MOB1A: variants seen among roughly 807,000 people sequenced by gnomAD.
MOB1A encodes MOB kinase activator 1A.
A neutral mutation model predicts 25.1 loss-of-function variants in MOB1A; 10 were observed. The observed-to-expected ratio is 0.40, with a 90% CI of 0.25 to 0.68. The LOEUF (loss-of-function observed/expected upper bound fraction) is 0.68. Ranked by LOEUF, MOB1A falls within the 30% of genes least tolerant of loss-of-function variation. The probability of loss-of-function intolerance (pLI) is 0.40; values close to 1 mark genes in which losing one functional copy is unlikely to be tolerated. For synonymous variants in MOB1A, 81 were observed against 79.5 expected (o/e 1.02, Z -0.10); for missense variants, 177 against 256.3 (o/e 0.69, Z 2.11).
rs760953308 is a variant in MOB1A, at chr2:74,172,726, T to C, written c.41A>G (p.Lys14Arg). The C allele has an allele frequency of 3.1e-6, 5 of 1,613,730 alleles. No individual in the cohort carries two copies. The highest frequency in any genetic ancestry group is 4.2e-6 in the Non-Finnish European group (5 of 1,179,830). Residue 14 changes from lysine (K) to arginine (R), a missense_variant, in exon 2 of 6, where the codon AAA becomes AGA. Transcript: ENST00000396049. ...TCCTTCAGGGATATTCTTCTTTGGT[T>C]TGAATGTTTTAGAAGAGCGGCTGCT... ...LFSSRSSKTF[K>R]PKKNIPEGSH...
At chr2:74,158,228 A>G (rs1019927766) in intron 5 of MOB1A, among the ~76,000 whole-genome samples, 4 of 151,790 alleles carry the variant, frequency 2.6e-5, no homozygotes, top group African/African-American at 9.7e-5. Flanking sequence ...ACTACCTGAA[A>G]ACTACAAACT....
At chr2:74,171,252 C>T (rs1405455931) in intron 2 of MOB1A, among the ~76,000 whole-genome samples, 3 of 151,678 alleles carry the variant, frequency 2.0e-5, no homozygotes, top group Non-Finnish European at 4.4e-5. Context: ...TTCGCCACTG[C>T]ACTCCAGCTT....
At chr2:74,163,155 T>C (rs942792773) in intron 4 of MOB1A, among the ~76,000 whole-genome samples, 2 of 152,182 alleles carry the variant, frequency 1.3e-5, no homozygotes, top group Non-Finnish European at 2.9e-5. Flanking sequence ...TTACTCGGCA[T>C]TGCGCTTGAA....
chr2:74,165,586 A>G (rs550605667), intron 3 of MOB1A, among the ~76,000 whole-genome samples: 1 of 152,346 alleles, frequency 6.6e-6, no homozygotes, highest in South Asian at 2.1e-4. Flanking sequence ...GCCAGGATAG[A>G]TGTTTTATTA....
At chr2:74,173,300 T>C (rs1034010498) in intron 1 of MOB1A, 4 of 467,992 alleles carry the variant, frequency 8.5e-6, no homozygotes, top group African/African-American at 4.0e-5. Context: ...CAGAGAAACA[T>C]CCTGGATTTT....
chr2:74,171,436 A>G (rs1460261636), intron 2 of MOB1A, among the ~76,000 whole-genome samples: 2 of 152,238 alleles, frequency 1.3e-5, no homozygotes, highest in African/African-American at 4.8e-5. Context: ...GACATACCTT[A>G]CTGAAATATT....
intron 1 of MOB1A, among the ~76,000 whole-genome samples, chr2:74,175,821 T>C (rs1450448200): frequency 1.3e-5 from 2 of 152,180 alleles, no homozygotes; most frequent in Non-Finnish European, 2.9e-5. Context: ...GGAGCCCATT[T>C]TGTAAATACA....
At position 74,155,188 on chromosome 2, in the gene MOB1A, C is replaced by T. The variant is rs1692769182; in HGVS notation, c.*1380G>A. ...TCTTCCAGTATAATACTTGTTGTGCCTCAGTACATTTTAAATAGACAGCTA... is the reference window on the plus strand; with the variant it reads ...TCTTCCAGTATAATACTTGTTGTGCTTCAGTACATTTTAAATAGACAGCTA... On this transcript the variant is annotated 3_prime_UTR_variant, in exon 6 of 6. Coordinates refer to ENST00000396049, the MANE Select transcript of MOB1A (RefSeq NM_018221.5). 6.6e-6 allele frequency: 1 copy of T among 152,458 alleles called. No homozygotes were observed. Among genetic ancestry groups the T allele is most frequent in the Non-Finnish European group, 1.5e-5 (1 of 68,008 alleles). 9.4% of individuals were successfully genotyped at this position (152,458 alleles called of 1,614,324 possible).
intron 2 of MOB1A, among the ~76,000 whole-genome samples, chr2:74,170,433 G>A (rs957382964): frequency 5.3e-5 from 8 of 152,182 alleles, no homozygotes; most frequent in South Asian, 2.1e-4. Flanking sequence ...CACCATGCCC[G>A]GCCCTGAATA....
chr2:74,160,029 C>G (rs899307513), intron 4 of MOB1A, among the ~76,000 whole-genome samples: 1 of 152,168 alleles, frequency 6.6e-6, no homozygotes. Flanking sequence ...GTTGGCCAGC[C>G]TGGTCTCGAA....
chr2:74,162,115 C>A (rs1692989744), intron 4 of MOB1A, among the ~76,000 whole-genome samples: 1 of 151,942 alleles, frequency 6.6e-6, no homozygotes, highest in Non-Finnish European at 1.5e-5. Context: ...AAGTAAGATG[C>A]AGATAATAGC....
chr2:74,172,505 A>G (rs1452459351), intron 2 of MOB1A, 81 bp downstream of exon 2: 26 of 1,331,408 alleles, frequency 2.0e-5, no homozygotes, highest in Non-Finnish European at 2.6e-5. Flanking sequence ...AAACAGTTCT[A>G]ACTGTAAAAG....
chr2:74,170,645 G>A (rs1011994738), intron 2 of MOB1A, among the ~76,000 whole-genome samples: 19 of 147,422 alleles, frequency 1.3e-4, no homozygotes, highest in Non-Finnish European at 2.5e-4. Context: ...TGAGGCAGAA[G>A]AATCACCTGA....
At chr2:74,178,000 C>T (rs570505264) in intron 1 of MOB1A, 1 of 135,282 alleles carries the variant, frequency 7.4e-6, no homozygotes, top group East Asian at 2.2e-4. Context: ...TACTGTGTTT[C>T]TGCAATGGGA....
chr2:74,170,139 T>TG (rs1693245693), intron 2 of MOB1A, among the ~76,000 whole-genome samples: 1 of 151,622 alleles, frequency 6.6e-6, no homozygotes, highest in Non-Finnish European at 1.5e-5. Context: ...TTTGTTTGTT[T>TG]TTGTGTGTGT....
chr2:74,168,754 G>T (rs918666267), intron 2 of MOB1A, among the ~76,000 whole-genome samples: 1 of 152,134 alleles, frequency 6.6e-6, no homozygotes, highest in Non-Finnish European at 1.5e-5. Context: ...CTTGTAAAAG[G>T]AATTTTATAC....
intron 1 of MOB1A, among the ~76,000 whole-genome samples, chr2:74,174,236 AC>A (rs1313018731): frequency 4.1e-5 from 6 of 147,462 alleles, no homozygotes; most frequent in Admixed American, 3.5e-4. Context: ...GCACCACTGC[AC>A]TCCAGCTTGG....
At chr2:74,169,909 A>G (rs55648403) in intron 2 of MOB1A, among the ~76,000 whole-genome samples, 24,623 of 151,804 alleles carry the variant, frequency 0.16, 2,354 homozygotes, top group East Asian at 0.38. Context: ...GATTACAGAC[A>G]TGAGCCACCA....
chr2:74,156,681 T>A, intron 5 of MOB1A, 36 bp from the exon 6 acceptor site: 1 of 1,439,458 alleles, frequency 6.9e-7, no homozygotes, highest in Non-Finnish European at 9.5e-7. Flanking sequence ...TAAAAATGGA[T>A]CTAAAACTGA....
Sources: gnomAD v4.1 joint callset for allele counts (sites outside exome capture counted in the v4.1 genomes callset) on GRCh38, gnomAD v4.1.1 for gene constraint, MANE v1.5 for transcripts, NCBI Gene and HGNC (gene_info 2026-07-23, HGNC 2026-07-21) for gene names.